The following ZC3H7B variants were observed in gnomAD, a reference collection of about 807,000 sequenced individuals.
ZC3H7B encodes zinc finger CCCH-type containing 7B.
A neutral mutation model predicts 116.0 loss-of-function variants in ZC3H7B; 35 were observed. That is an observed-to-expected ratio of 0.30 (90% CI 0.23 to 0.40). The LOEUF (loss-of-function observed/expected upper bound fraction) is 0.40, where lower values mean the gene tolerates loss of function less well. Among genes scored for constraint, ZC3H7B ranks in the 10% least tolerant of loss-of-function variants. The pLI, the probability that ZC3H7B is intolerant of heterozygous loss-of-function variation, is 1.00. For synonymous variants in ZC3H7B, 502 were observed against 545.6 expected, an observed-to-expected ratio of 0.92 and a Z score of 1.11; for missense variants, 1,011 against 1,321.5, an observed-to-expected ratio of 0.77 and a Z score of 3.64.
At chr22:41,343,112 G>A (rs1601788609) in intron 12 of ZC3H7B, among the ~76,000 whole-genome samples, 2 of 152,206 alleles carry the variant, frequency 1.3e-5, no homozygotes, top group Admixed American at 1.3e-4. Flanking sequence ...GGCAGAGGTT[G>A]CAGTGAGTTG....
At chr22:41,326,568 C>T (rs1046372975) in intron 4 of ZC3H7B, among the ~76,000 whole-genome samples, 2 of 152,128 alleles carry the variant, frequency 1.3e-5, no homozygotes, top group Non-Finnish European at 2.9e-5. Flanking sequence ...CTCACTGTTT[C>T]TCCCATAGCC....
intron 2 of ZC3H7B, among the ~76,000 whole-genome samples, chr22:41,321,478 G>A (rs909616804): frequency 3.9e-5 from 6 of 152,140 alleles, no homozygotes; most frequent in African/African-American, 1.4e-4. Flanking sequence ...GCCTCCCAAA[G>A]TGCTGGGATT....
At chr22:41,309,547 T>C (rs1447093664) in intron 1 of ZC3H7B, among the ~76,000 whole-genome samples, 1 of 148,246 alleles carries the variant, frequency 6.7e-6, no homozygotes, top group Non-Finnish European at 1.5e-5. Flanking sequence ...ACTCCTGGCC[T>C]CAAGTGATCT....
At chr22:41,345,755 G>C (rs971323667) in intron 13 of ZC3H7B, among the ~76,000 whole-genome samples, 1 of 152,124 alleles carries the variant, frequency 6.6e-6, no homozygotes, top group East Asian at 1.9e-4. Flanking sequence ...GCAGCAGGGG[G>C]TGCAGCAGAC....
At chr22:41,323,334 T>G (rs1486171436) in intron 2 of ZC3H7B, among the ~76,000 whole-genome samples, 1 of 152,196 alleles carries the variant, frequency 6.6e-6, no homozygotes, top group Non-Finnish European at 1.5e-5. Flanking sequence ...TCCAATTTAT[T>G]CAGAGGCCAG....
chr22:41,342,869 G>A (rs1185953966), intron 12 of ZC3H7B, among the ~76,000 whole-genome samples: 1 of 152,126 alleles, frequency 6.6e-6, no homozygotes, highest in South Asian at 2.1e-4. Flanking sequence ...GAGTGAGGAC[G>A]GTGGTAGAAA....
At position 41,327,074 on chromosome 22, in the gene ZC3H7B, C is replaced by G; in HGVS notation, c.286-132C>G. The G allele has an allele frequency of 7.4e-7, 1 of 1,348,376 alleles. No individual in the cohort carries two copies. 83.5% of individuals were successfully genotyped at this position (1,348,376 alleles called of 1,614,324 possible). ...TCTCCTGGAGCCTCGAGCCCTGTCC[C>G]TGACCCAAGACTTCAGCTCCTCTGT... On this transcript the variant is annotated intron_variant, in intron 4 of 22. Coordinates refer to ENST00000352645, the MANE Select transcript of ZC3H7B (RefSeq NM_017590.6). The surrounding 1 kb of genome is among the most constrained non-coding windows in gnomAD (Gnocchi z 4.5).
In ZC3H7B at chr22:41,302,702, T is replaced by C. The variant is rs1327412005; in HGVS notation, c.-7+930T>C. 6.6e-6 allele frequency among the ~76,000 whole-genome samples: 1 copy of C among 152,214 alleles called. No homozygotes were observed. Among genetic ancestry groups the C allele is most frequent in the Non-Finnish European group, 1.5e-5 (1 of 68,042 alleles). On this transcript the variant is annotated intron_variant, in intron 1 of 22. Coordinates refer to ENST00000352645, the MANE Select transcript of ZC3H7B (RefSeq NM_017590.6). This position sits in a 1 kb window ranked among gnomAD's most constrained non-coding sequence, Gnocchi z 5.7. Reference sequence around the variant, plus strand: ...ATAAGGCGCCTGGTTGGGGGGACTTTCACAGACAAAGCCGTCTTCCCAGGG... The same window carrying C: ...ATAAGGCGCCTGGTTGGGGGGACTTCCACAGACAAAGCCGTCTTCCCAGGG...
At chr22:41,330,168 G>C in intron 6 of ZC3H7B, 65 bp downstream of exon 6, 1 of 1,560,748 alleles carries the variant, frequency 6.4e-7, no homozygotes, top group South Asian at 1.1e-5. Context: ...GGAGGGACCA[G>C]GCTCCGTGGG....
Position 41,356,480 on chromosome 22 carries a change from A to T in ZC3H7B, c.2517+4A>T. 1.2e-6 allele frequency: 2 copies of T among 1,613,920 alleles called. No homozygotes were observed. The highest frequency in any genetic ancestry group is 1.7e-6 in the Non-Finnish European group (2 of 1,180,026). Reference sequence around the variant, plus strand: ...CACGGACTACGCGGACATCATGGTAACGCCTCCGCCCTGCATGCTCGGGGC... The same window carrying T: ...CACGGACTACGCGGACATCATGGTATCGCCTCCGCCCTGCATGCTCGGGGC... On this transcript the variant is annotated splice_donor_region_variant and intron_variant, in intron 21 of 22. Transcript: ENST00000352645.
At chr22:41,340,273 T>C (rs1457560412) in intron 10 of ZC3H7B, 136 bp downstream of exon 10, 2 of 968,814 alleles carry the variant, frequency 2.1e-6, no homozygotes, top group African/African-American at 1.7e-5. Context: ...AGGCCATGTC[T>C]GTGTGTTGCC....
intron 1 of ZC3H7B, among the ~76,000 whole-genome samples, chr22:41,317,867 G>A (rs1016173238): frequency 2.0e-5 from 3 of 152,160 alleles, no homozygotes; most frequent in Non-Finnish European, 2.9e-5. Flanking sequence ...GTCTCCTGAC[G>A]CATTGTTAAT....
intron 6 of ZC3H7B, among the ~76,000 whole-genome samples, chr22:41,331,788 A>G (rs1055871237): frequency 1.3e-5 from 2 of 152,056 alleles, no homozygotes; most frequent in Non-Finnish European, 2.9e-5. Flanking sequence ...GGAGGATCAC[A>G]TGAACCCCAG....
At chr22:41,331,782 G>A (rs937529631) in intron 6 of ZC3H7B, among the ~76,000 whole-genome samples, 1 of 151,986 alleles carries the variant, frequency 6.6e-6, no homozygotes, top group Non-Finnish European at 1.5e-5. Context: ...GAGGTGGGAG[G>A]ATCACATGAA....
Position 41,317,687 on chromosome 22 carries a change from G to A in ZC3H7B, c.-6-2968G>A, listed in dbSNP as rs191820847. 2.0e-5 allele frequency among the ~76,000 whole-genome samples: 3 copies of A among 152,270 alleles called. No homozygotes were observed. The East Asian group carries it at 5.8e-4, about 29-fold the overall frequency. ...TGGTCCCAGCTACTCAGGAGGCTGA[G>A]GGGGGAAGATCAGTTGAGCCCAGGA... On this transcript the variant is annotated intron_variant, in intron 1 of 22. Coordinates refer to ENST00000352645, the MANE Select transcript of ZC3H7B (RefSeq NM_017590.6).
intron 13 of ZC3H7B, among the ~76,000 whole-genome samples, chr22:41,345,478 G>A (rs866939303): frequency 4.6e-5 from 7 of 152,174 alleles, no homozygotes; most frequent in Middle Eastern, 6.8e-3. Flanking sequence ...CCAGCTACTC[G>A]GGAGGCTGAG....
At chr22:41,318,576 T>C (rs980413871) in intron 1 of ZC3H7B, among the ~76,000 whole-genome samples, 10 of 149,962 alleles carry the variant, frequency 6.7e-5, no homozygotes, top group Admixed American at 2.0e-4. Context: ...AGTGAGACCT[T>C]GTCTCTACAA....
At chr22:41,348,215 G>A (rs2036612683) in intron 15 of ZC3H7B, 48 bp downstream of exon 15, 1 of 1,547,152 alleles carries the variant, frequency 6.5e-7, no homozygotes, top group African/African-American at 1.4e-5. Context: ...CCAGTGGAGA[G>A]TCCCCTCAGG....
At chr22:41,354,343 C>T (rs1477462385) in intron 17 of ZC3H7B, among the ~76,000 whole-genome samples, 2 of 152,222 alleles carry the variant, frequency 1.3e-5, no homozygotes, top group African/African-American at 4.8e-5. Context: ...AAAGGCATGA[C>T]CTCACCTTAT....
Sources: allele counts gnomAD v4.1 joint callset (sites outside exome capture counted in the v4.1 genomes callset), GRCh38; gene constraint gnomAD v4.1.1; non-coding constraint Gnocchi (gnomAD v3.1); transcripts MANE v1.5; gene names NCBI Gene and HGNC (gene_info 2026-07-23, HGNC 2026-07-21).